Variants in DIS3L2 observed in about 807,000 individuals in gnomAD.
DIS3L2 encodes the protein DIS3-like exonuclease 2.
Under a neutral mutation model 97.5 loss-of-function variants are expected in DIS3L2, and 34 were observed. That is an observed-to-expected ratio of 0.35 (90% confidence interval 0.27 to 0.46). The LOEUF (loss-of-function observed/expected upper bound fraction) is 0.46. Among genes scored for constraint, DIS3L2 ranks in the 20% least tolerant of loss-of-function variants. The pLI, the probability that DIS3L2 is intolerant of heterozygous loss-of-function variation, is 1.00. For missense variants in DIS3L2, 1,038 were observed against 1,146.0 expected (o/e 0.91, Z 1.36); for synonymous variants, 435 against 445.2 (o/e 0.98, Z 0.29).
At chr2:232,251,471 C>G (rs1251213278) in intron 12 of DIS3L2, among the ~76,000 whole-genome samples, 1 of 152,092 alleles carries the variant, frequency 6.6e-6, no homozygotes, top group Non-Finnish European at 1.5e-5. Context: ...GAAGACTAGT[C>G]CAAGATATAC....
chr2:232,244,511 G>C (rs747798937), intron 11 of DIS3L2, among the ~76,000 whole-genome samples: 1 of 152,234 alleles, frequency 6.6e-6, no homozygotes, highest in Non-Finnish European at 1.5e-5. Flanking sequence ...GGGACATCCA[G>C]TTCATGGTAT....
intron 1 of DIS3L2, among the ~76,000 whole-genome samples, chr2:231,995,170 A>G (rs933813222): frequency 2.6e-5 from 4 of 151,436 alleles, no homozygotes; most frequent in East Asian, 1.9e-4. Context: ...ACATTTTGCT[A>G]TTTTTTCTTT....
chr2:232,013,262 G>C (rs72987648), intron 1 of DIS3L2, among the ~76,000 whole-genome samples: 1,708 of 152,262 alleles, frequency 0.011, 19 homozygotes, highest in Non-Finnish European at 0.016. Flanking sequence ...ATGACTCTGA[G>C]TCCTGTACCA....
At chr2:232,297,360 C>T (rs892922508) in intron 13 of DIS3L2, among the ~76,000 whole-genome samples, 2 of 152,300 alleles carry the variant, frequency 1.3e-5, no homozygotes, top group African/African-American at 4.8e-5. Context: ...TCCTCTCTGA[C>T]CCAGTGACAC....
Position 232,275,872 on chromosome 2 carries a change from A to G in DIS3L2, c.1659+12432A>G, listed in dbSNP as rs77539093. Reference sequence around the variant, plus strand: ...GGTGCACAGGAAGAGCCTGGACAGCAGGTGTGCACGTGGCTGCTTTCGTGT... The same window carrying G: ...GGTGCACAGGAAGAGCCTGGACAGCGGGTGTGCACGTGGCTGCTTTCGTGT... On this transcript the variant is annotated intron_variant, in intron 13 of 20. Coordinates refer to ENST00000325385, the MANE Select transcript of DIS3L2 (RefSeq NM_152383.5). 2.8e-3 allele frequency among the ~76,000 whole-genome samples: 430 copies of G among 152,320 alleles called. 1 individual carries two copies. Among genetic ancestry groups the G allele is most frequent in the Non-Finnish European group, 4.7e-3 (318 of 68,022 alleles).
chr2:232,210,163 T>C (rs1692147283), intron 9 of DIS3L2, among the ~76,000 whole-genome samples, 163 bp from the exon 10 acceptor site: 1 of 152,208 alleles, frequency 6.6e-6, no homozygotes, highest in South Asian at 2.1e-4. Flanking sequence ...TTGTCTCTTC[T>C]CAGTCTCACA....
intron 3 of DIS3L2, among the ~76,000 whole-genome samples, chr2:232,021,377 A>G (rs1014630715): frequency 1.4e-4 from 22 of 152,120 alleles, no homozygotes; most frequent in African/African-American, 5.1e-4. Context: ...AGTGAAATCG[A>G]AGAGTTGTTG....
intron 8 of DIS3L2, among the ~76,000 whole-genome samples, chr2:232,147,320 T>C (rs1690245749): frequency 6.6e-6 from 1 of 152,148 alleles, no homozygotes; most frequent in African/African-American, 2.4e-5. Context: ...TACAGAAAAT[T>C]GTCAAGATAG....
chr2:232,320,333 GA>G (rs1009714689), intron 14 of DIS3L2, among the ~76,000 whole-genome samples: 1 of 151,454 alleles, frequency 6.6e-6, no homozygotes, highest in African/African-American at 2.4e-5. Context: ...TAGTTCAGTG[GA>G]AAAAAAAACA....
intron 10 of DIS3L2, among the ~76,000 whole-genome samples, chr2:232,230,910 GC>G (rs1463101208): frequency 2.0e-5 from 3 of 151,914 alleles, no homozygotes; most frequent in African/African-American, 7.3e-5. Context: ...GCAAGCTTGC[GC>G]CCACCCCCCA....
chr2:232,322,473 C>T (rs1429662220), intron 14 of DIS3L2, among the ~76,000 whole-genome samples: 3 of 152,242 alleles, frequency 2.0e-5, no homozygotes, highest in African/African-American at 7.2e-5. Context: ...GACCACAGTC[C>T]CCTCCCCATG....
intron 18 of DIS3L2, 33 bp downstream of exon 18, chr2:232,334,532 C>CT (rs1466800329): frequency 6.2e-7 from 1 of 1,611,734 alleles, no homozygotes; most frequent in African/African-American, 1.3e-5. Flanking sequence ...CCTCACCTCC[C>CT]TCTGGCTCCC....
At chr2:232,332,431 CAGCCAGGG>C (rs1695765525) in intron 16 of DIS3L2, among the ~76,000 whole-genome samples, 1 of 152,054 alleles carries the variant, frequency 6.6e-6, no homozygotes, top group South Asian at 2.1e-4. Context: ...GTGTGTACAG[CAGCCAGGG>C]AGCAAGGGAG....
chr2:232,077,104 C>A (rs1696213811), intron 5 of DIS3L2, among the ~76,000 whole-genome samples: 1 of 152,084 alleles, frequency 6.6e-6, no homozygotes, highest in African/African-American at 2.4e-5. Flanking sequence ...TCATAGCTGC[C>A]CCTCAGTTTC....
Position 232,087,640 on chromosome 2 carries a change from G to A in DIS3L2, c.520G>A (p.Asp174Asn), listed in dbSNP as rs752325182. 2.7e-5 allele frequency: 43 copies of A among 1,614,130 alleles called. No individual in the cohort carries two copies. Among genetic ancestry groups the A allele is most frequent in the Non-Finnish European group, 3.5e-5 (41 of 1,180,040 alleles). ...TGTAGAGGCTCAGTTTGATGGCAGC[G>A]ACTCAGAAGATGGACATGGCATCAC... ...VIVEAQFDGS[D>N]SEDGHGITQN... The change falls in exon 6 of 21, where the codon GAC (aspartate) becomes AAC (asparagine). Residue 174 changes from aspartate to asparagine, a missense_variant. Asp to Asn is a conservative substitution (Grantham distance 23). This residue lies in a region of DIS3L2 where 813 missense variants were observed against 880.1 expected (regional missense o/e 0.92). Coordinates refer to ENST00000325385, the MANE Select transcript of DIS3L2 (RefSeq NM_152383.5).
In DIS3L2 at chr2:232,249,335, C is replaced by G. The variant is rs761149562; in HGVS notation, c.1414C>G (p.Pro472Ala). ...LTFSVIWTLT[P>A]EGKILDEWFG... ...CTTCTCTGTGATCTGGACACTGACTCCAGAGGGCAAGGTAACAACTTACAC... is the reference window on the plus strand; with the variant it reads ...CTTCTCTGTGATCTGGACACTGACTGCAGAGGGCAAGGTAACAACTTACAC... The change falls in exon 12 of 21, where the codon CCA becomes GCA. Residue 472 changes from proline to alanine, a missense_variant. Coordinates refer to ENST00000325385, the MANE Select transcript of DIS3L2 (RefSeq NM_152383.5). The G allele has an allele frequency of 1.2e-6, 2 of 1,614,154 alleles. 1 individual carries two copies. Among genetic ancestry groups the G allele is most frequent in the Admixed American group, 3.3e-5 (2 of 60,026 alleles).
intron 5 of DIS3L2, among the ~76,000 whole-genome samples, chr2:232,047,049 T>A (rs910340824): frequency 1.3e-5 from 2 of 152,272 alleles, no homozygotes; most frequent in Non-Finnish European, 2.9e-5. Context: ...GATTACCTGT[T>A]ACATTATGTT....
chr2:232,243,653 T>A (rs910732851), intron 11 of DIS3L2, among the ~76,000 whole-genome samples: 2 of 152,204 alleles, frequency 1.3e-5, no homozygotes, highest in African/African-American at 4.8e-5. Flanking sequence ...CAAATGGACA[T>A]TCTGAACAAG....
intron 1 of DIS3L2, among the ~76,000 whole-genome samples, chr2:231,986,774 C>A (rs192759821): frequency 6.6e-6 from 1 of 152,292 alleles, no homozygotes; most frequent in African/African-American, 2.4e-5. Flanking sequence ...ACTTCAGAAG[C>A]CTGTTTAACC....
Sources: gnomAD v4.1 joint callset for allele counts (sites outside exome capture counted in the v4.1 genomes callset) on GRCh38, gnomAD v4.1.1 for gene constraint, gnomAD v4.1.1 regional missense constraint, MANE v1.5 for transcripts, NCBI Gene and HGNC (gene_info 2026-07-23, HGNC 2026-07-21) for gene names.